Variants in SAMMSON observed in about 807,000 individuals in gnomAD.
SAMMSON encodes survival associated mitochondrial melanoma specific oncogenic non-coding RNA.
intron 1 of SAMMSON, among the ~76,000 whole-genome samples, chr3:70,011,682 T>G (rs978586161): frequency 4.6e-5 from 7 of 151,918 alleles, no homozygotes. Flanking sequence ...TTCAGTTCCA[T>G]TTCTCTGATA....
intron 6 of SAMMSON, among the ~76,000 whole-genome samples, chr3:70,288,982 C>T (rs1206783083): frequency 6.6e-6 from 1 of 152,134 alleles, no homozygotes; most frequent in African/African-American, 2.4e-5. Context: ...TTCCTGAATA[C>T]AGCACACTGA....
intron 6 of SAMMSON, among the ~76,000 whole-genome samples, chr3:70,277,825 T>C (rs1049953818): frequency 1.3e-5 from 2 of 152,134 alleles, no homozygotes; most frequent in African/African-American, 4.8e-5. Context: ...TTGAGATCTA[T>C]GTGCCAGGTA....
intron 2 of SAMMSON, among the ~76,000 whole-genome samples, chr3:70,401,078 C>T (rs191296905): frequency 6.6e-6 from 1 of 152,160 alleles, no homozygotes; most frequent in African/African-American, 2.4e-5. Flanking sequence ...ACATACTGCT[C>T]TATTAGTCTT....
chr3:70,026,588 C>T (rs773130413), intron 3 of SAMMSON, among the ~76,000 whole-genome samples: 9 of 152,094 alleles, frequency 5.9e-5, no homozygotes, highest in Non-Finnish European at 1.2e-4. Context: ...TTTCCTCTGT[C>T]CACAACATCC....
rs540860409 is a variant in SAMMSON, at chr3:70,126,081, C to G, written n.507+54516C>G. ...GAAGGACCTGTACATAGAACTTAGG[C>G]ACGCTTGCCAAAGCATTTACTCTGT... On this transcript the variant is annotated intron_variant and non_coding_transcript_variant, in intron 4 of 9. Transcript: ENST00000642114. 10 of 1,201,088 alleles carry G rather than the reference C, an allele frequency of 8.3e-6. No individual in the cohort carries two copies. The South Asian group carries it at 1.3e-4, about 15-fold the overall frequency. The allele number at this position is 1,201,088 out of a possible 1,614,324, so 74.4% of individuals were successfully genotyped here.
rs138709658 is a variant in SAMMSON, at chr3:70,001,310, C to G, written n.22+1443C>G. ...TGTAGAATTACATCCTTTATTCACT[C>G]TGCCACTATTTATTATGTGCCTCCT... is the stretch of plus-strand genomic sequence containing the variant. On this transcript the variant is annotated intron_variant and non_coding_transcript_variant, in intron 1 of 9. Transcript: ENST00000642114. Among the ~76,000 whole-genome samples, 104 of 152,208 alleles carry G rather than the reference C, an allele frequency of 6.8e-4. No individual in the cohort carries two copies. In the East Asian group the frequency reaches 0.015, roughly 22 times the overall value.
At chr3:70,208,718 A>G (rs1179549190) in intron 4 of SAMMSON, among the ~76,000 whole-genome samples, 1 of 152,048 alleles carries the variant, frequency 6.6e-6, no homozygotes, top group African/African-American at 2.4e-5. Flanking sequence ...ACCAATCTTA[A>G]GATGGTTGCT....
intron 4 of SAMMSON, chr3:70,196,803 TG>T (rs758864730): frequency 1.3e-5 from 5 of 396,946 alleles, no homozygotes; most frequent in Admixed American, 4.4e-5. Context: ...CAGAATAAAA[TG>T]GCCTATAGCA....
chr3:70,071,058 A>C (rs1379662589), intron 3 of SAMMSON, among the ~76,000 whole-genome samples: 2 of 152,040 alleles, frequency 1.3e-5, no homozygotes, highest in African/African-American at 2.4e-5. Flanking sequence ...TTAAATCTTT[A>C]AAATCTGTAA....
chr3:70,002,041 T>C (rs904635879), intron 1 of SAMMSON, among the ~76,000 whole-genome samples: 5 of 152,192 alleles, frequency 3.3e-5, no homozygotes, highest in African/African-American at 9.7e-5. Flanking sequence ...GAGACCTACT[T>C]TACTCTCGGT....
At position 70,420,797 on chromosome 3, in the gene SAMMSON, G is replaced by A. The variant is rs144311303; in HGVS notation, n.234-41763G>A. Among the ~76,000 whole-genome samples the A allele has an allele frequency of 3.7e-3, 562 of 152,266 alleles. 3 individuals carry two copies. The highest frequency in any genetic ancestry group is 0.013 in the African/African-American group (541 of 41,562). On this transcript the variant is annotated intron_variant and non_coding_transcript_variant, in intron 2 of 3. Coordinates refer to the SAMMSON transcript ENST00000641053. ...CTAACATTTCTCCCAATGTATTTGA[G>A]CTGAAAGTATACAAGATTAAGTGTA...
intron 7 of SAMMSON, among the ~76,000 whole-genome samples, chr3:70,342,518 T>C (rs1349938397): frequency 6.6e-6 from 1 of 152,210 alleles, no homozygotes; most frequent in East Asian, 1.9e-4. Flanking sequence ...TTTGTCTTAG[T>C]GTCTGATTAC....
At chr3:70,295,707 A>G (rs1418838770) in intron 7 of SAMMSON, among the ~76,000 whole-genome samples, 1 of 152,160 alleles carries the variant, frequency 6.6e-6, no homozygotes, top group Non-Finnish European at 1.5e-5. Flanking sequence ...TAAATAAACA[A>G]ATAAATATAC....
chr3:70,382,993 G>C (rs1007385417), intron 9 of SAMMSON, among the ~76,000 whole-genome samples: 8 of 152,052 alleles, frequency 5.3e-5, no homozygotes, highest in African/African-American at 1.4e-4. Flanking sequence ...CTGAGTAAAT[G>C]AAAATGGTTT....
At chr3:70,182,465 G>A (rs1701060948) in intron 4 of SAMMSON, among the ~76,000 whole-genome samples, 1 of 152,114 alleles carries the variant, frequency 6.6e-6, no homozygotes, top group African/African-American at 2.4e-5. Flanking sequence ...AGTGTTCAGG[G>A]TACAATTGGA....
At chr3:70,275,245 G>T (rs1311147042) in intron 6 of SAMMSON, among the ~76,000 whole-genome samples, 1 of 152,114 alleles carries the variant, frequency 6.6e-6, no homozygotes, top group African/African-American at 2.4e-5. Flanking sequence ...GACTTGGGCC[G>T]GGTACAGTGG....
intron 4 of SAMMSON, among the ~76,000 whole-genome samples, chr3:70,239,605 C>G (rs969001862): frequency 2.0e-5 from 3 of 152,090 alleles, no homozygotes; most frequent in African/African-American, 7.2e-5. Flanking sequence ...CACTAAAGAG[C>G]TCTGTGATTC....
rs1445601296 is a variant in SAMMSON at position 70,257,173 on chromosome 3, G to C, written n.674+7503G>C. Among the ~76,000 whole-genome samples, 3 of 152,200 alleles carry C rather than the reference G, an allele frequency of 2.0e-5. No individual in the cohort carries two copies. In the East Asian group the frequency reaches 5.8e-4, roughly 29 times the overall value. ...TGTCATGATTATCATAGGAAATTTTGTGAACTATACATTTGGTCTTCCCTA... is the reference window on the plus strand; with the variant it reads ...TGTCATGATTATCATAGGAAATTTTCTGAACTATACATTTGGTCTTCCCTA... On this transcript the variant is annotated intron_variant and non_coding_transcript_variant, in intron 6 of 9. Transcript: ENST00000642114.
intron 3 of SAMMSON, among the ~76,000 whole-genome samples, chr3:70,030,941 G>T (rs920861972): frequency 3.3e-5 from 5 of 152,178 alleles, no homozygotes; most frequent in African/African-American, 9.7e-5. Flanking sequence ...CTTGTGCATT[G>T]CTGGTGAGGC....
Sources: allele counts gnomAD v4.1 joint callset (sites outside exome capture counted in the v4.1 genomes callset), GRCh38; gene constraint gnomAD v4.1.1; transcripts MANE v1.5; gene names NCBI Gene and HGNC (gene_info 2026-07-23, HGNC 2026-07-21).